ADAMTS17: variants seen among roughly 807,000 people sequenced by gnomAD.
The protein encoded by ADAMTS17 is ADAM metallopeptidase with thrombospondin type 1 motif 17.
Under a neutral mutation model 141.5 loss-of-function variants are expected in ADAMTS17, and 113 were observed. The observed-to-expected ratio is 0.80, with a 90% CI of 0.69 to 0.93. The LOEUF (loss-of-function observed/expected upper bound fraction) is 0.93. Ranked by LOEUF, ADAMTS17 falls within the 40% of genes least tolerant of loss-of-function variation. The pLI is 0.00. For synonymous variants in ADAMTS17, 768 were observed against 630.6 expected, an observed-to-expected ratio of 1.22 and a Z score of -3.27; for missense variants, 1,659 against 1,517.9, an observed-to-expected ratio of 1.09 and a Z score of -1.54.
intron 8 of ADAMTS17, among the ~76,000 whole-genome samples, chr15:100,182,833 G>C (rs1473804977): frequency 6.6e-6 from 1 of 152,154 alleles, no homozygotes; most frequent in Admixed American, 6.5e-5. Flanking sequence ...ATGTGCCTTA[G>C]TGTGAATTTC....
intron 8 of ADAMTS17, among the ~76,000 whole-genome samples, chr15:100,182,447 T>A (rs535566393): frequency 6.6e-6 from 1 of 152,040 alleles, no homozygotes; most frequent in East Asian, 1.9e-4. Context: ...TAGGGCAGCA[T>A]TGAGTTAAAT....
chr15:100,265,372 A>T (rs568140053), intron 4 of ADAMTS17, among the ~76,000 whole-genome samples: 2 of 152,322 alleles, frequency 1.3e-5, no homozygotes, highest in East Asian at 3.9e-4. Flanking sequence ...CTATATGTTT[A>T]GGGAGACACC....
chr15:100,241,989 G>A (rs949881655), intron 7 of ADAMTS17, among the ~76,000 whole-genome samples: 27 of 152,210 alleles, frequency 1.8e-4, no homozygotes, highest in African/African-American at 3.1e-4. Context: ...AAGCACTTAC[G>A]CTGCATATCT....
chr15:100,271,139 G>T (rs7166523), intron 4 of ADAMTS17, among the ~76,000 whole-genome samples: 97,448 of 151,932 alleles, frequency 0.64, 31,677 homozygotes, highest in East Asian at 0.84. Context: ...ATTTACCTAC[G>T]CATCCATCTG....
chr15:100,160,978 AT>A (rs1167185986), intron 8 of ADAMTS17, among the ~76,000 whole-genome samples: 2 of 152,188 alleles, frequency 1.3e-5, no homozygotes, highest in Non-Finnish European at 2.9e-5. Context: ...GGCATTTATT[AT>A]TTCTGGCAAC....
intron 3 of ADAMTS17, among the ~76,000 whole-genome samples, chr15:100,323,279 A>T (rs2045791694): frequency 6.6e-6 from 1 of 152,226 alleles, no homozygotes; most frequent in African/African-American, 2.4e-5. Context: ...CAAATAAAGA[A>T]ATTGAGACAC....
In ADAMTS17 at chr15:99,997,412, G is replaced by A; in HGVS notation, c.2769C>T (p.Ser923=). Residue 923 remains serine (S), a synonymous_variant, in exon 19 of 22, where the codon TCC becomes TCT. Coordinates refer to ENST00000268070, the MANE Select transcript of ADAMTS17 (RefSeq NM_139057.4). This position sits in a 1 kb window ranked among gnomAD's most constrained non-coding sequence, Gnocchi z 4.7. ...VQSCEGQDCL[S]IWEASEWSQC... is the part of the protein sequence containing the mutation. ...GTGACCACTCAGACGCCTCCCAGAT[G>A]GACAGGCAGTCCTGGCCTTCACAGC... is the stretch of plus-strand genomic sequence containing the variant. The A allele has an allele frequency of 6.2e-7, 1 of 1,613,764 alleles. No individual in the cohort carries two copies. The highest frequency in any genetic ancestry group is 8.5e-7 in the Non-Finnish European group (1 of 1,179,988).
intron 3 of ADAMTS17, among the ~76,000 whole-genome samples, chr15:100,311,132 C>T (rs1218825828): frequency 1.3e-5 from 2 of 152,222 alleles, no homozygotes; most frequent in Non-Finnish European, 2.9e-5. Context: ...TCCCTTGCCT[C>T]GGGTGGACTT....
chr15:100,103,550 A>T (rs1004525219), intron 14 of ADAMTS17, among the ~76,000 whole-genome samples: 5 of 150,846 alleles, frequency 3.3e-5, no homozygotes, highest in Non-Finnish European at 7.4e-5. Context: ...TCCTAAGAAC[A>T]CATAATCCAT....
chr15:100,138,637 A>G (rs2038459336), intron 10 of ADAMTS17, among the ~76,000 whole-genome samples: 1 of 152,242 alleles, frequency 6.6e-6, no homozygotes, highest in South Asian at 2.1e-4. Context: ...AGAGATCCGA[A>G]GAACCAAGTG....
In ADAMTS17 at chr15:99,997,588, A is replaced by AGGC; in HGVS notation, c.2592_2593insGCC (p.Arg864_Trp865insAla). On this transcript the variant is annotated inframe_insertion and splice_region_variant, in exon 19 of 22. Coordinates refer to ENST00000268070, the MANE Select transcript of ADAMTS17 (RefSeq NM_139057.4). This position sits in a 1 kb window ranked among gnomAD's most constrained non-coding sequence, Gnocchi z 4.7. ...CAGGGGCTCCACGGGCCTGCCACCCACCTGCCAGACGGGAGGAAAGAGAGA... is the reference window on the plus strand; with the variant it reads ...CAGGGGCTCCACGGGCCTGCCACCCAGGCCCTGCCAGACGGGAGGAAAGAGAGA... 1 of 1,610,570 alleles carries AGGC rather than the reference A, an allele frequency of 6.2e-7. No individual in the cohort carries two copies. Among genetic ancestry groups the AGGC allele is most frequent in the Non-Finnish European group, 8.5e-7 (1 of 1,178,724 alleles).
At chr15:100,002,715 G>A (rs1427385393) in intron 18 of ADAMTS17, among the ~76,000 whole-genome samples, 1 of 152,130 alleles carries the variant, frequency 6.6e-6, no homozygotes, top group African/African-American at 2.4e-5. Flanking sequence ...AATGGCCCTG[G>A]GAGGGGCACT....
intron 20 of ADAMTS17, among the ~76,000 whole-genome samples, chr15:99,981,152 C>T (rs544875997): frequency 5.3e-5 from 8 of 152,318 alleles, no homozygotes; most frequent in African/African-American, 1.9e-4. Context: ...CTGAATGGAG[C>T]TTTAATCGGA....
intron 7 of ADAMTS17, among the ~76,000 whole-genome samples, chr15:100,224,011 C>G (rs376196701): frequency 6.6e-6 from 1 of 152,012 alleles, no homozygotes. Context: ...AGGCTTGGCC[C>G]ATCTCTCCTT....
chr15:100,068,776 G>A (rs544819622), intron 15 of ADAMTS17, among the ~76,000 whole-genome samples: 9 of 152,152 alleles, frequency 5.9e-5, no homozygotes, highest in Admixed American at 3.9e-4. Context: ...AAAGACCAAA[G>A]GTAGATAAAA....
chr15:100,049,402 T>C (rs1270681806), intron 17 of ADAMTS17, among the ~76,000 whole-genome samples: 1 of 152,216 alleles, frequency 6.6e-6, no homozygotes, highest in Non-Finnish European at 1.5e-5. Flanking sequence ...TCTGGCTACC[T>C]ATTACAGAAT....
At chr15:100,058,185 C>G (rs2032766994) in intron 15 of ADAMTS17, among the ~76,000 whole-genome samples, 1 of 48,340 alleles carries the variant, frequency 2.1e-5, no homozygotes, top group Non-Finnish European at 5.8e-5. Flanking sequence ...CCGGCTCTAA[C>G]ACCCCTATCC....
In ADAMTS17 at chr15:100,116,966, G is replaced by A. The variant is rs369507903; in HGVS notation, c.1769C>T (p.Ala590Val). ...GGGGCAGGGCAGGTTCTCGCAGACCGCATGTTCTACACTGGCACCCGGGCA... is the reference window on the plus strand; with the variant it reads ...GGGGCAGGGCAGGTTCTCGCAGACCACATGTTCTACACTGGCACCCGGGCA... ...THCPGASVEH[A>V]VCENLPCPKG... The change falls in exon 13 of 22, where the codon GCG becomes GTG. Residue 590 changes from alanine (A) to valine (V), a missense_variant. Ala to Val is a moderately conservative substitution (Grantham distance 64). Coordinates refer to ENST00000268070, the MANE Select transcript of ADAMTS17 (RefSeq NM_139057.4). 57 of 1,613,604 alleles carry A rather than the reference G, an allele frequency of 3.5e-5. No individual in the cohort carries two copies. The highest frequency in any genetic ancestry group is 7.7e-5 in the South Asian group (7 of 91,000).
intron 2 of ADAMTS17, among the ~76,000 whole-genome samples, chr15:100,336,896 A>G (rs182999016): frequency 5.3e-5 from 8 of 152,288 alleles, no homozygotes; most frequent in Admixed American, 2.6e-4. Context: ...CTGCCTACTC[A>G]TCAGCTGGCT....
Sources: allele counts gnomAD v4.1 joint callset (sites outside exome capture counted in the v4.1 genomes callset), GRCh38; gene constraint gnomAD v4.1.1; non-coding constraint Gnocchi (gnomAD v3.1); transcripts MANE v1.5; gene names NCBI Gene and HGNC (gene_info 2026-07-23, HGNC 2026-07-21).